Variants in MOSMO observed in about 807,000 individuals in gnomAD.
MOSMO encodes the protein modulator of smoothened, also known as modulator of smoothened protein.
A neutral mutation model predicts 18.4 loss-of-function variants in MOSMO; 5 were observed. That is an observed-to-expected ratio of 0.27 (90% CI 0.14 to 0.57). MOSMO has a LOEUF of 0.57. MOSMO is among the 20% of genes least tolerant of loss of function. The pLI is 0.92. For missense variants in MOSMO, 138 were observed against 211.8 expected (o/e 0.65, Z 2.16); for synonymous variants, 82 against 82.3 (o/e 1.00, Z 0.02).
At position 22,047,001 on chromosome 16, in the gene MOSMO, C is replaced by A. The variant is rs115488533; in HGVS notation, c.107-28486C>A. 9.2e-3 allele frequency among the ~76,000 whole-genome samples: 1,405 copies of A among 152,112 alleles called. 24 individuals carry two copies. Among genetic ancestry groups the A allele is most frequent in the African/African-American group, 0.032 (1,327 of 41,494 alleles). Reference sequence around the variant, plus strand: ...AAATGAAAAGTTAAAATATAGGACTCGCTCATCCCTACCTTTTTCACCCCC... The same window carrying A: ...AAATGAAAAGTTAAAATATAGGACTAGCTCATCCCTACCTTTTTCACCCCC... On this transcript the variant is annotated intron_variant, in intron 1 of 2. Coordinates refer to ENST00000542527, the MANE Select transcript of MOSMO (RefSeq NM_001164579.2).
intron 1 of MOSMO, among the ~76,000 whole-genome samples, chr16:22,011,305 A>C (rs1386173467): frequency 6.6e-6 from 1 of 152,186 alleles, no homozygotes; most frequent in Admixed American, 6.5e-5. Context: ...TAAAAGCCTC[A>C]TATACAATAA....
chr16:22,036,471 AG>A (rs1394002633), intron 1 of MOSMO, among the ~76,000 whole-genome samples: 1 of 152,116 alleles, frequency 6.6e-6, no homozygotes, highest in African/African-American at 2.4e-5. Context: ...TTTTAGAGGC[AG>A]GGTCCTGCTC....
At position 22,081,335 on chromosome 16, in the gene MOSMO, C is replaced by T. The variant is rs1901076494; in HGVS notation, c.*455C>T. 1 of 151,988 alleles carries T rather than the reference C, an allele frequency of 6.6e-6. No individual in the cohort carries two copies. The highest frequency in any genetic ancestry group is 1.5e-5 in the Non-Finnish European group (1 of 68,050). The allele number at this position is 151,988 out of a possible 1,614,324, so 9.4% of individuals were successfully genotyped here. A position where few individuals can be genotyped will look rare whatever the true frequency, so the allele number is the denominator to read the frequency against. ...AGAGAAGTTCATGTGGGGCTGGCCT[C>T]ACCTCCTAAGAAATTAGTGTTCACA... On this transcript the variant is annotated 3_prime_UTR_variant, in exon 3 of 3. Transcript: ENST00000542527.
intron 1 of MOSMO, among the ~76,000 whole-genome samples, chr16:22,051,453 G>T (rs1900425945): frequency 6.6e-6 from 1 of 151,326 alleles, no homozygotes; most frequent in Admixed American, 6.6e-5. Flanking sequence ...ATAAACAAAA[G>T]AAAAATAACA....
Position 22,075,599 on chromosome 16 carries a change from C to T in MOSMO, c.219C>T (p.Ile73=), listed in dbSNP as rs1337280582. The change falls in exon 2 of 3, where the codon ATC becomes ATT. Residue 73 remains isoleucine (I), a synonymous_variant. Transcript: ENST00000542527. ...GGGTCACCACACTGTTTTTTATCAT[C>T]ATGGGAATCATTTCATTGACTGTCA... The part of the protein sequence containing the change: ...PEWVTTLFFI[I]MGIISLTVTC... The T allele has an allele frequency of 6.5e-7, 1 of 1,537,348 alleles. No homozygotes were observed. Among genetic ancestry groups the T allele is most frequent in the South Asian group, 1.2e-5 (1 of 84,066 alleles).
intron 1 of MOSMO, among the ~76,000 whole-genome samples, chr16:22,008,624 C>A (rs1899444772): frequency 6.6e-6 from 1 of 151,894 alleles, no homozygotes; most frequent in Non-Finnish European, 1.5e-5. Context: ...GGGAGAGGCG[C>A]CCCAGGCCGG....
intron 1 of MOSMO, among the ~76,000 whole-genome samples, chr16:22,008,896 G>T (rs900682194): frequency 9.9e-5 from 15 of 152,124 alleles, no homozygotes; most frequent in Non-Finnish European, 1.5e-4. Context: ...GGCGAGGGGA[G>T]GCCGAGAGGG....
intron 1 of MOSMO, among the ~76,000 whole-genome samples, chr16:22,009,687 G>A (rs1899477386): frequency 6.6e-6 from 1 of 151,514 alleles, no homozygotes; most frequent in Non-Finnish European, 1.5e-5. Flanking sequence ...GCGGCCGGGC[G>A]CGGTGGCTCA....
At chr16:22,050,887 GA>G (rs34532029) in intron 1 of MOSMO, among the ~76,000 whole-genome samples, 1,151 of 70,474 alleles carry the variant, frequency 0.016, 8 homozygotes, top group Middle Eastern at 0.071. Context: ...TGTCTCTTAA[GA>G]AAAAAAAAAA....
At chr16:22,016,122 A>G (rs1390005051) in intron 1 of MOSMO, among the ~76,000 whole-genome samples, 1 of 152,152 alleles carries the variant, frequency 6.6e-6, no homozygotes, top group African/African-American at 2.4e-5. Flanking sequence ...TTGGAGTTGC[A>G]GTATAGTAAA....
At chr16:22,052,363 T>C (rs1218079737) in intron 1 of MOSMO, among the ~76,000 whole-genome samples, 1 of 152,210 alleles carries the variant, frequency 6.6e-6, no homozygotes, top group Non-Finnish European at 1.5e-5. Context: ...TATCAGGTAT[T>C]GGCAAGAATA....
At chr16:22,023,224 A>G (rs1899801289) in intron 1 of MOSMO, among the ~76,000 whole-genome samples, 1 of 152,168 alleles carries the variant, frequency 6.6e-6, no homozygotes, top group East Asian at 1.9e-4. Context: ...CCCACTCTGG[A>G]TAAGATTTAG....
chr16:22,028,256 T>C (rs947645317), intron 1 of MOSMO, among the ~76,000 whole-genome samples: 8 of 152,146 alleles, frequency 5.3e-5, no homozygotes, highest in African/African-American at 1.9e-4. Flanking sequence ...TTATTATGAT[T>C]ACTCAGTTGC....
At chr16:22,010,693 C>T (rs1176137986) in intron 1 of MOSMO, among the ~76,000 whole-genome samples, 1 of 151,508 alleles carries the variant, frequency 6.6e-6, no homozygotes, top group African/African-American at 2.4e-5. Flanking sequence ...CCAAGGCGGA[C>T]GGATCACCTG....
At chr16:22,073,223 T>A (rs981523937) in intron 1 of MOSMO, among the ~76,000 whole-genome samples, 2 of 152,036 alleles carry the variant, frequency 1.3e-5, no homozygotes, top group African/African-American at 4.8e-5. Flanking sequence ...TTTTAATGTT[T>A]ACCAGCAAAA....
chr16:22,039,529 G>A (rs1424733265), intron 1 of MOSMO, among the ~76,000 whole-genome samples: 1 of 152,068 alleles, frequency 6.6e-6, no homozygotes, highest in Non-Finnish European at 1.5e-5. Context: ...TCATTAGTAG[G>A]GTATCTTTAA....
chr16:22,021,905 A>G (rs966006083), intron 1 of MOSMO, among the ~76,000 whole-genome samples: 4 of 152,146 alleles, frequency 2.6e-5, no homozygotes, highest in African/African-American at 9.7e-5. Flanking sequence ...CCTCGGAGCT[A>G]TAGCTTTTTC....
At chr16:22,078,917 T>C (rs1408282943) in intron 2 of MOSMO, among the ~76,000 whole-genome samples, 1 of 152,174 alleles carries the variant, frequency 6.6e-6, no homozygotes, top group Non-Finnish European at 1.5e-5. Flanking sequence ...TGTTCTATAG[T>C]AGCTATCTAA....
At chr16:22,070,018 TG>T (rs1474126420) in intron 1 of MOSMO, among the ~76,000 whole-genome samples, 1 of 152,144 alleles carries the variant, frequency 6.6e-6, no homozygotes, top group African/African-American at 2.4e-5. Flanking sequence ...ATTGTGAGAA[TG>T]AAAGAATGAA....
Sources: allele counts gnomAD v4.1 joint callset (sites outside exome capture counted in the v4.1 genomes callset), GRCh38; gene constraint gnomAD v4.1.1; transcripts MANE v1.5; gene names NCBI Gene and HGNC (gene_info 2026-07-23, HGNC 2026-07-21).